Variants in RPA1 observed in about 807,000 individuals in gnomAD.
RPA1 encodes the protein replication protein A1.
In RPA1, 49 loss-of-function variants were observed where a neutral mutation model predicts 83.0. The ratio of observed to expected loss-of-function variants is 0.59; its 90% CI spans 0.47 to 0.75. The LOEUF is 0.75. Among genes scored for constraint, RPA1 ranks in the 30% least tolerant of loss-of-function variants. RPA1 has a pLI of 0.00. For missense variants in RPA1, 693 were observed against 776.1 expected, an observed-to-expected ratio of 0.89 and a Z score of 1.27; for synonymous variants, 279 against 281.8, an observed-to-expected ratio of 0.99 and a Z score of 0.10.
Position 1,895,567 on chromosome 17 carries a change from G to A in RPA1, c.1746+472G>A, listed in dbSNP as rs551801793. On this transcript the variant is annotated intron_variant, in intron 16 of 16. Transcript: ENST00000254719. ...AGCCTGGGTAACATAGTGAAACCCC[G>A]TTTCTAAGTCAGTCAGTCAGTATAT... 5.9e-5 allele frequency among the ~76,000 whole-genome samples: 9 copies of A among 151,850 alleles called. No individual in the cohort carries two copies. In the South Asian group the frequency reaches 1.5e-3, roughly 25 times the overall value.
intron 4 of RPA1, among the ~76,000 whole-genome samples, chr17:1,845,357 G>A (rs1405151303): frequency 6.6e-6 from 1 of 150,542 alleles, no homozygotes; most frequent in East Asian, 2.0e-4. Context: ...ACATAGCCAG[G>A]CCCTGTCTCT....
chr17:1,894,334 T>C (rs1216489625), intron 15 of RPA1, among the ~76,000 whole-genome samples: 1 of 152,006 alleles, frequency 6.6e-6, no homozygotes, highest in Non-Finnish European at 1.5e-5. Flanking sequence ...GCCCAGCTAA[T>C]TTTTGTGTTT....
intron 5 of RPA1, among the ~76,000 whole-genome samples, chr17:1,855,978 ATATAAATATTC>A (rs1454032334): frequency 5.3e-5 from 8 of 152,300 alleles, no homozygotes; most frequent in Middle Eastern, 3.4e-3. Flanking sequence ...GTCTATAGAA[ATATAAATATTC>A]TAAACACCCC....
In RPA1 at chr17:1,850,243, A is replaced by C. The variant is rs1912440481; in HGVS notation, c.273-2858A>C. The stretch of plus-strand genomic sequence containing the variant: ...GCGATAAATCCTGCCTTAAAAAAAT[A>C]ATCCTAGGGCTAGGCTGGTGGCTCA... On this transcript the variant is annotated intron_variant, in intron 4 of 16. Coordinates refer to ENST00000254719, the MANE Select transcript of RPA1 (RefSeq NM_002945.5). Among the ~76,000 whole-genome samples, 10 of 151,174 alleles carry C rather than the reference A, an allele frequency of 6.6e-5. 1 individual carries two copies. In the South Asian group the frequency reaches 2.1e-3, roughly 32 times the overall value.
intron 1 of RPA1, among the ~76,000 whole-genome samples, chr17:1,835,565 C>T (rs1257526888): frequency 6.6e-6 from 1 of 152,026 alleles, no homozygotes; most frequent in African/African-American, 2.4e-5. Context: ...CCAACCTTCC[C>T]CTTGAATTTG....
Position 1,861,336 on chromosome 17 carries a change from C to T in RPA1, c.361+8147C>T, listed in dbSNP as rs187751421. Among the ~76,000 whole-genome samples, 301 of 152,320 alleles carry T rather than the reference C, an allele frequency of 2.0e-3. 2 individuals are homozygous for T. The highest frequency in any genetic ancestry group is 3.3e-3 in the Non-Finnish European group (225 of 68,028). The stretch of plus-strand genomic sequence containing the variant: ...GGCACTGAGCTGGTGCAGACCCACT[C>T]GCTCGCTTTCCTGTGCACAGCAGGC... On this transcript the variant is annotated intron_variant, in intron 5 of 16. Transcript: ENST00000254719.
At chr17:1,861,099 T>A (rs764124190) in intron 5 of RPA1, among the ~76,000 whole-genome samples, 6 of 152,266 alleles carry the variant, frequency 3.9e-5, no homozygotes, top group African/African-American at 1.4e-4. Context: ...CTCAGATGAT[T>A]CTCACCCTGG....
intron 1 of RPA1, among the ~76,000 whole-genome samples, chr17:1,840,669 G>A (rs1030249249): frequency 6.6e-6 from 1 of 152,156 alleles, no homozygotes; most frequent in Non-Finnish European, 1.5e-5. Context: ...TTCCGTCTCC[G>A]AAATGCTGGG....
intron 5 of RPA1, chr17:1,854,114 C>T: frequency 6.6e-6 from 1 of 152,180 alleles, no homozygotes; most frequent in East Asian, 1.9e-4. Flanking sequence ...TAAAAAAAGT[C>T]CATTTTTTCT....
intron 1 of RPA1, among the ~76,000 whole-genome samples, chr17:1,838,199 G>A (rs543365735): frequency 3.2e-4 from 48 of 152,156 alleles, no homozygotes; most frequent in Admixed American, 6.6e-4. Context: ...GCTGAGGCGG[G>A]AGAATGGCGT....
At chr17:1,867,787 C>A (rs1324922823) in intron 5 of RPA1, among the ~76,000 whole-genome samples, 1 of 151,700 alleles carries the variant, frequency 6.6e-6, no homozygotes, top group Non-Finnish European at 1.5e-5. Context: ...GTCAGAAATA[C>A]AGGGCTATGG....
intron 7 of RPA1, among the ~76,000 whole-genome samples, chr17:1,876,996 A>C (rs1409127609): frequency 7.2e-5 from 11 of 152,176 alleles, no homozygotes; most frequent in African/African-American, 1.9e-4. Context: ...TGACAGGAGA[A>C]TGAGTTAGTA....
intron 8 of RPA1, 96 bp from the exon 9 acceptor site, chr17:1,878,897 T>C (rs1428087572): frequency 8.6e-7 from 1 of 1,168,412 alleles, no homozygotes; most frequent in African/African-American, 1.5e-5. Context: ...GTCACTTTGG[T>C]GCTAGGGTGG....
intron 13 of RPA1, among the ~76,000 whole-genome samples, chr17:1,886,349 A>G (rs1402144832): frequency 6.6e-6 from 1 of 152,240 alleles, no homozygotes; most frequent in Non-Finnish European, 1.5e-5. Flanking sequence ...TATGAGCCCT[A>G]AGATTTTTGA....
chr17:1,868,730 C>A (rs1366616019), intron 5 of RPA1, among the ~76,000 whole-genome samples: 1 of 152,074 alleles, frequency 6.6e-6, no homozygotes, highest in Non-Finnish European at 1.5e-5. Flanking sequence ...CACAGCGAGA[C>A]CCCGTCTCAG....
intron 12 of RPA1, among the ~76,000 whole-genome samples, chr17:1,882,242 A>C (rs1434172440): frequency 6.6e-6 from 1 of 152,158 alleles, no homozygotes; most frequent in African/African-American, 2.4e-5. Flanking sequence ...AAGTACAATC[A>C]GTTTTCATAA....
chr17:1,846,365 G>A (rs113792834), intron 4 of RPA1, among the ~76,000 whole-genome samples: 14 of 141,892 alleles, frequency 9.9e-5, no homozygotes, highest in Admixed American at 8.0e-4. Context: ...TTGCCCAGGC[G>A]GGAGTGCAGT....
chr17:1,854,498 C>T (rs112140859), intron 5 of RPA1, among the ~76,000 whole-genome samples: 18 of 152,156 alleles, frequency 1.2e-4, no homozygotes, highest in East Asian at 3.9e-4. Context: ...TGCAGGAGGA[C>T]GAGACCAGCC....
intron 7 of RPA1, among the ~76,000 whole-genome samples, 156 bp downstream of exon 7, chr17:1,875,949 G>A (rs1021900790): frequency 2.0e-5 from 3 of 149,524 alleles, no homozygotes; most frequent in African/African-American, 7.4e-5. Flanking sequence ...TTGCTGAGGA[G>A]GAAAGGGGTA....
Sources: gnomAD v4.1 joint callset for allele counts (sites outside exome capture counted in the v4.1 genomes callset) on GRCh38, gnomAD v4.1.1 for gene constraint, MANE v1.5 for transcripts, NCBI Gene and HGNC (gene_info 2026-07-23, HGNC 2026-07-21) for gene names.